CSRNP3: variants seen among roughly 807,000 people sequenced by gnomAD.
The protein encoded by CSRNP3 is cysteine and serine rich nuclear protein 3, also known as cysteine/serine-rich nuclear protein 3.
CSRNP3 carries 12 observed loss-of-function variants against 48.0 expected under a neutral mutation model. The observed-to-expected ratio is 0.25, with a 90% CI of 0.16 to 0.41. CSRNP3 has a LOEUF of 0.41. Among genes scored for constraint, CSRNP3 ranks in the 10% least tolerant of loss-of-function variants. CSRNP3 has a pLI of 1.00. For synonymous variants in CSRNP3, 263 were observed against 269.7 expected (o/e 0.98, Z 0.24); for missense variants, 580 against 724.4 (o/e 0.80, Z 2.29).
At chr2:165,577,003 C>A (rs1158923016) in intron 3 of CSRNP3, among the ~76,000 whole-genome samples, 2 of 151,904 alleles carry the variant, frequency 1.3e-5, no homozygotes, top group African/African-American at 4.8e-5. Context: ...GATTTCAGGG[C>A]AAACATGTTC....
intron 3 of CSRNP3, among the ~76,000 whole-genome samples, chr2:165,520,779 TATATTATATATATATATA>T (rs1684643737): frequency 1.1e-4 from 1 of 9,372 alleles, no homozygotes; most frequent in South Asian, 1.9e-3. Context: ...ATTATATATA[TATATTATATATATATATA>T]TATATATATA....
At chr2:165,549,816 A>G (rs922690416) in intron 3 of CSRNP3, among the ~76,000 whole-genome samples, 2 of 152,164 alleles carry the variant, frequency 1.3e-5, no homozygotes, top group Admixed American at 1.3e-4. Context: ...GTTGTAGTCT[A>G]TATGGTGCAG....
chr2:165,623,187 A>G (rs1299781802), intron 4 of CSRNP3, among the ~76,000 whole-genome samples: 1 of 152,214 alleles, frequency 6.6e-6, no homozygotes, highest in East Asian at 1.9e-4. Context: ...GATGATTTAA[A>G]GCAGGGGTGC....
At chr2:165,501,400 A>G (rs1684358162) in intron 2 of CSRNP3, among the ~76,000 whole-genome samples, 1 of 152,200 alleles carries the variant, frequency 6.6e-6, no homozygotes, top group African/African-American at 2.4e-5. Context: ...CACAGCCTAC[A>G]TTAACATTAT....
At chr2:165,577,692 T>C (rs963943833) in intron 3 of CSRNP3, among the ~76,000 whole-genome samples, 5 of 151,758 alleles carry the variant, frequency 3.3e-5, no homozygotes, top group Non-Finnish European at 7.4e-5. Context: ...ATATATAATT[T>C]TATATGCTTT....
chr2:165,601,645 C>T (rs1343892627), intron 4 of CSRNP3, among the ~76,000 whole-genome samples: 3 of 150,774 alleles, frequency 2.0e-5, no homozygotes. Context: ...TGTTTGCTTC[C>T]TTCCTTCCTT....
intron 2 of CSRNP3, among the ~76,000 whole-genome samples, chr2:165,507,242 A>G (rs956835041): frequency 2.0e-5 from 3 of 152,162 alleles, no homozygotes; most frequent in African/African-American, 7.2e-5. Context: ...TTTTCACTAT[A>G]TAGTATAAAA....
Position 165,596,468 on chromosome 2 carries a change from T to C in CSRNP3, c.148+1255T>C, listed in dbSNP as rs74558178. 2.3e-4 allele frequency among the ~76,000 whole-genome samples: 35 copies of C among 152,300 alleles called. No individual in the cohort carries two copies. The East Asian group carries it at 6.2e-3, about 27-fold the overall frequency. ...ATGATTTAAACATATTTTTAAGAGG[T>C]AATAAGGAACTCAATAGCTGTTGAA... On this transcript the variant is annotated intron_variant, in intron 4 of 6. Coordinates refer to ENST00000651982, the MANE Select transcript of CSRNP3 (RefSeq NM_001172173.2).
At chr2:165,504,706 C>T (rs1684400935) in intron 2 of CSRNP3, among the ~76,000 whole-genome samples, 1 of 152,030 alleles carries the variant, frequency 6.6e-6, no homozygotes, top group Non-Finnish European at 1.5e-5. Context: ...ACCAACTATG[C>T]TGATTACCAT....
intron 4 of CSRNP3, among the ~76,000 whole-genome samples, chr2:165,631,843 C>T (rs1475465821): frequency 2.0e-5 from 3 of 152,228 alleles, no homozygotes; most frequent in Non-Finnish European, 4.4e-5. Context: ...TGCTTTTGCA[C>T]TATAATGGCA....
intron 5 of CSRNP3, among the ~76,000 whole-genome samples, chr2:165,674,782 G>A (rs1687396174): frequency 1.4e-5 from 2 of 146,894 alleles, no homozygotes; most frequent in African/African-American, 2.5e-5. Context: ...TGCAATCATG[G>A]CTCACTGCAG....
chr2:165,509,751 A>G (rs1684477237), intron 2 of CSRNP3, among the ~76,000 whole-genome samples: 1 of 152,178 alleles, frequency 6.6e-6, no homozygotes, highest in African/African-American at 2.4e-5. Context: ...ACCACTCGGT[A>G]TCATGCTATT....
intron 4 of CSRNP3, among the ~76,000 whole-genome samples, chr2:165,642,103 A>AACAC (rs58624766): frequency 0.021 from 2,799 of 132,170 alleles, 38 homozygotes; most frequent in Middle Eastern, 0.036. Flanking sequence ...CACACACACA[A>AACAC]ACACACACAC....
chr2:165,648,374 C>T lies in CSRNP3; in HGVS notation c.149-9387C>T, dbSNP rs548961209. Among the ~76,000 whole-genome samples the T allele has an allele frequency of 9.9e-5, 15 of 152,190 alleles. No individual in the cohort carries two copies. In the South Asian group the frequency reaches 3.1e-3, roughly 32 times the overall value. On this transcript the variant is annotated intron_variant, in intron 4 of 6. Coordinates refer to ENST00000651982, the MANE Select transcript of CSRNP3 (RefSeq NM_001172173.2). ...TATTAATTGCATTTTATGTTGATGG[C>T]TAGGGCATTCTGCAGTTACATTATA...
intron 3 of CSRNP3, among the ~76,000 whole-genome samples, chr2:165,533,063 T>C (rs530501514): frequency 1.3e-4 from 20 of 152,250 alleles, no homozygotes; most frequent in Non-Finnish European, 2.9e-5. Context: ...ATATGGTATA[T>C]TTTAAATGTG....
intron 1 of CSRNP3, among the ~76,000 whole-genome samples, chr2:165,484,644 G>A (rs190148784): frequency 6.6e-6 from 1 of 152,252 alleles, no homozygotes; most frequent in Non-Finnish European, 1.5e-5. Context: ...ATGTGGATGG[G>A]ACAAACTCAA....
chr2:165,475,415 A>G (rs1030301765), intron 1 of CSRNP3, among the ~76,000 whole-genome samples: 2 of 152,072 alleles, frequency 1.3e-5, no homozygotes, highest in African/African-American at 4.8e-5. Flanking sequence ...TCTTCCCACA[A>G]CATACAGGCA....
chr2:165,654,789 C>A (rs371456537), intron 4 of CSRNP3, among the ~76,000 whole-genome samples: 153 of 152,246 alleles, frequency 1.0e-3, no homozygotes, highest in African/African-American at 3.6e-3. Context: ...GCCACCCTGC[C>A]TGGTTACTTT....
chr2:165,632,651 G>T (rs544540447), intron 4 of CSRNP3, among the ~76,000 whole-genome samples: 10 of 152,256 alleles, frequency 6.6e-5, no homozygotes, highest in Admixed American at 1.3e-4. Context: ...ACCATTTTAT[G>T]TTTAAATAGA....
Sources: gnomAD v4.1 joint callset for allele counts (sites outside exome capture counted in the v4.1 genomes callset) on GRCh38, gnomAD v4.1.1 for gene constraint, MANE v1.5 for transcripts, NCBI Gene and HGNC (gene_info 2026-07-23, HGNC 2026-07-21) for gene names.